Variants in PNPT1 observed in about 807,000 individuals in gnomAD.
The protein encoded by PNPT1 is polyribonucleotide nucleotidyltransferase 1, also known as polyribonucleotide nucleotidyltransferase 1, mitochondrial.
A neutral mutation model predicts 119.5 loss-of-function variants in PNPT1; 53 were observed. The ratio of observed to expected loss-of-function variants is 0.44; its 90% confidence interval spans 0.36 to 0.56. The LOEUF (loss-of-function observed/expected upper bound fraction) is 0.56. PNPT1 is among the 20% of genes least tolerant of loss of function. The pLI, the probability that PNPT1 is intolerant of heterozygous loss-of-function variation, is 0.00. For missense variants in PNPT1, 948 were observed against 938.5 expected (o/e 1.01, Z -0.13); for synonymous variants, 357 against 322.1 (o/e 1.11, Z -1.16).
At chr2:55,677,548 C>T (rs896263343) in intron 8 of PNPT1, among the ~76,000 whole-genome samples, 6 of 132,924 alleles carry the variant, frequency 4.5e-5, no homozygotes, top group South Asian at 2.6e-4. Context: ...GAGCTGAGAT[C>T]GCACTGCTGC....
At chr2:55,642,014 G>A (rs1043059731) in intron 25 of PNPT1, among the ~76,000 whole-genome samples, 5 of 151,868 alleles carry the variant, frequency 3.3e-5, no homozygotes, top group Non-Finnish European at 5.9e-5. Context: ...GCTAACTTTT[G>A]TATTTTTAGT....
chr2:55,659,012 C>T lies in PNPT1; in HGVS notation c.1284+1145G>A, dbSNP rs532650344. Reference sequence around the variant, plus strand: ...CTCTGTTGCCCAGGCTGAAGTGCGGCGGAGTGATAATGGCTTGCTGCATTC... The same window carrying T: ...CTCTGTTGCCCAGGCTGAAGTGCGGTGGAGTGATAATGGCTTGCTGCATTC... On this transcript the variant is annotated intron_variant, in intron 15 of 27. Coordinates refer to ENST00000447944, the MANE Select transcript of PNPT1 (RefSeq NM_033109.5). 6.1e-4 allele frequency among the ~76,000 whole-genome samples: 93 copies of T among 152,214 alleles called. No homozygotes were observed. The Middle Eastern group carries it at 0.01, about 17-fold the overall frequency.
intron 18 of PNPT1, among the ~76,000 whole-genome samples, chr2:55,651,921 ATGG>A (rs1696224875): frequency 6.6e-6 from 1 of 150,382 alleles, no homozygotes; most frequent in East Asian, 2.0e-4. Flanking sequence ...CCTTCAACAT[ATGG>A]TTCTACTTTA....
At chr2:55,643,446 C>G (rs1298454443) in intron 23 of PNPT1, 21 bp from the exon 24 acceptor site, 2 of 1,604,546 alleles carry the variant, frequency 1.2e-6, no homozygotes, top group Non-Finnish European at 1.7e-6. Flanking sequence ...CAAAATGTAA[C>G]ATATTAAAGT....
chr2:55,654,176 G>T (rs1031824676), intron 18 of PNPT1, among the ~76,000 whole-genome samples: 2 of 149,226 alleles, frequency 1.3e-5, no homozygotes, highest in African/African-American at 4.9e-5. Context: ...AGAATCACTT[G>T]AACCTGGGAG....
intron 13 of PNPT1, among the ~76,000 whole-genome samples, chr2:55,665,917 C>G (rs1231240048): frequency 6.6e-6 from 1 of 151,980 alleles, no homozygotes; most frequent in Non-Finnish European, 1.5e-5. Flanking sequence ...GAAGGAGAAC[C>G]AGAAGGCTAC....
At chr2:55,692,174 T>C (rs1272306106) in intron 1 of PNPT1, among the ~76,000 whole-genome samples, 4 of 151,998 alleles carry the variant, frequency 2.6e-5, no homozygotes. Context: ...TGTTAGCCAC[T>C]GTGCTCGGCC....
rs1695664006 is a variant in PNPT1, at chr2:55,636,163, A to G, written c.*74T>C. ...TATAGAAATCTACACAATGGAAGAT[A>G]CTACTAAAATGTTGCTCTACAGCAC... On this transcript the variant is annotated 3_prime_UTR_variant, in exon 28 of 28. Coordinates refer to ENST00000447944, the MANE Select transcript of PNPT1 (RefSeq NM_033109.5). 1 of 1,049,662 alleles carries G rather than the reference A, an allele frequency of 9.5e-7. No individual in the cohort carries two copies. Among genetic ancestry groups the G allele is most frequent in the Non-Finnish European group, 1.3e-6 (1 of 741,514 alleles). The allele number at this position is 1,049,662 out of a possible 1,614,324, so 65.0% of individuals were successfully genotyped here.
At chr2:55,679,452 GA>G (rs1697179598) in intron 8 of PNPT1, among the ~76,000 whole-genome samples, 1 of 151,996 alleles carries the variant, frequency 6.6e-6, no homozygotes, top group Non-Finnish European at 1.5e-5. Flanking sequence ...AATAATTACT[GA>G]AATGATCTTG....
intron 13 of PNPT1, among the ~76,000 whole-genome samples, chr2:55,663,699 C>G (rs551072858): frequency 6.6e-6 from 1 of 152,262 alleles, no homozygotes; most frequent in African/African-American, 2.4e-5. Flanking sequence ...ACTGAAACGG[C>G]TGGGTGCGGT....
rs1297132425 is a variant in PNPT1 at position 55,635,280 on chromosome 2, T to C, written c.*957A>G. 2 of 151,806 alleles carry C rather than the reference T, an allele frequency of 1.3e-5. No homozygotes were observed. Among genetic ancestry groups the C allele is most frequent in the African/African-American group, 2.4e-5 (1 of 41,284 alleles). 9.4% of individuals were successfully genotyped at this position (151,806 alleles called of 1,614,324 possible). A position where few individuals can be genotyped will look rare whatever the true frequency, so the allele number is the denominator to read the frequency against. On this transcript the variant is annotated 3_prime_UTR_variant, in exon 28 of 28. Transcript: ENST00000447944. ...TCCATACATTAGAGCAATACACATATTCAAATTGACCTAGTTCAATTTGAT... is the reference window on the plus strand; with the variant it reads ...TCCATACATTAGAGCAATACACATACTCAAATTGACCTAGTTCAATTTGAT...
intron 1 of PNPT1, among the ~76,000 whole-genome samples, chr2:55,691,068 A>T (rs1223279865): frequency 6.6e-6 from 1 of 152,230 alleles, no homozygotes; most frequent in Non-Finnish European, 1.5e-5. Context: ...AATTCTGAAT[A>T]CCTAAGTGAT....
intron 26 of PNPT1, 106 bp downstream of exon 26, chr2:55,640,521 T>G (rs952544077): frequency 3.1e-6 from 3 of 957,200 alleles, no homozygotes; most frequent in Non-Finnish European, 4.8e-6. Flanking sequence ...TTTCTCTGTT[T>G]AGGCTAGTAG....
At chr2:55,648,969 T>C (rs1032031103) in intron 18 of PNPT1, among the ~76,000 whole-genome samples, 2 of 137,004 alleles carry the variant, frequency 1.5e-5, no homozygotes, top group Non-Finnish European at 3.3e-5. Flanking sequence ...GTGGATCTCA[T>C]TTCATTTTCT....
At chr2:55,687,787 T>C in intron 1 of PNPT1, 82 bp from the exon 2 acceptor site, 1 of 1,112,864 alleles carries the variant, frequency 9.0e-7, no homozygotes, top group South Asian at 1.7e-5. Flanking sequence ...TAAAAGATTC[T>C]AAGGGAAGAT....
intron 15 of PNPT1, among the ~76,000 whole-genome samples, chr2:55,657,856 C>CAAAAAAAAAAAAAAAAAAAAAA (rs869033487): frequency 8.6e-5 from 2 of 23,384 alleles, no homozygotes; most frequent in Non-Finnish European, 1.7e-4. Context: ...AGATAGACTG[C>CAAAAAAAAAAAAAAAAAAAAAA]AAAAAAAAAA....
At chr2:55,648,004 A>G (rs1572800204) in intron 18 of PNPT1, among the ~76,000 whole-genome samples, 3 of 152,294 alleles carry the variant, frequency 2.0e-5, no homozygotes, top group Admixed American at 1.3e-4. Flanking sequence ...AGCAAACTTT[A>G]TAACTTTTAA....
chr2:55,647,516 C>A, intron 18 of PNPT1, 63 bp from the exon 19 acceptor site: 3 of 1,288,486 alleles, frequency 2.3e-6, no homozygotes, highest in Non-Finnish European at 3.2e-6. Flanking sequence ...AAATATTTAT[C>A]TATCAATTTT....
intron 1 of PNPT1, among the ~76,000 whole-genome samples, chr2:55,691,874 ATATATTTTTTTTT>A (rs1394533673): frequency 1.3e-3 from 16 of 12,366 alleles, no homozygotes; most frequent in African/African-American, 2.8e-3. Flanking sequence ...ATATATATAT[ATATATTTTTTTTT>A]TTTTTTTTTT....
Sources: allele counts gnomAD v4.1 joint callset (sites outside exome capture counted in the v4.1 genomes callset), GRCh38; gene constraint gnomAD v4.1.1; transcripts MANE v1.5; gene names NCBI Gene and HGNC (gene_info 2026-07-23, HGNC 2026-07-21).